PLEKHA6: variants seen among roughly 807,000 people sequenced by gnomAD.
PLEKHA6 encodes pleckstrin homology domain containing A6.
In PLEKHA6, 60 loss-of-function variants were observed where a neutral mutation model predicts 116.7. The observed-to-expected ratio is 0.51, with a 90% confidence interval of 0.42 to 0.64. The LOEUF (loss-of-function observed/expected upper bound fraction) is 0.64. PLEKHA6 is among the 30% of genes least tolerant of loss of function. PLEKHA6 has a pLI of 0.00. For synonymous variants in PLEKHA6, 489 were observed against 556.1 expected, an observed-to-expected ratio of 0.88 and a Z score of 1.70; for missense variants, 1,338 against 1,422.7, an observed-to-expected ratio of 0.94 and a Z score of 0.96.
At chr1:204,306,490 C>T (rs184212768) in intron 1 of PLEKHA6, among the ~76,000 whole-genome samples, 136 of 152,340 alleles carry the variant, frequency 8.9e-4, no homozygotes, top group Non-Finnish European at 1.7e-3. Flanking sequence ...GCTTTGGCCT[C>T]CATCCTGCCC....
At chr1:204,336,791 G>A (rs1442093110) in intron 1 of PLEKHA6, among the ~76,000 whole-genome samples, 1 of 152,184 alleles carries the variant, frequency 6.6e-6, no homozygotes, top group Non-Finnish European at 1.5e-5. Context: ...AGGCATCCAG[G>A]TCAATGACTG....
At chr1:204,352,531 C>A (rs1011992492) in intron 1 of PLEKHA6, among the ~76,000 whole-genome samples, 4 of 152,188 alleles carry the variant, frequency 2.6e-5, no homozygotes, top group Non-Finnish European at 5.9e-5. Context: ...AAGTAATTTT[C>A]CCAAGCTGAG....
intron 1 of PLEKHA6, among the ~76,000 whole-genome samples, chr1:204,339,892 A>G (rs1008628636): frequency 2.6e-5 from 4 of 152,252 alleles, no homozygotes; most frequent in African/African-American, 9.6e-5. Context: ...TTACAACTAT[A>G]TAAACACAGG....
intron 1 of PLEKHA6, chr1:204,280,344 A>G (rs1271805374): frequency 3.0e-6 from 3 of 985,198 alleles, no homozygotes; most frequent in Non-Finnish European, 3.6e-6. Context: ...GCAGGCATGT[A>G]TGTTTACACA....
chr1:204,260,297 C>A (rs933273452), intron 7 of PLEKHA6, among the ~76,000 whole-genome samples: 1 of 152,150 alleles, frequency 6.6e-6, no homozygotes, highest in African/African-American at 2.4e-5. Flanking sequence ...TAAAACATGG[C>A]GGGCACCAGG....
rs1480130310 is a variant in PLEKHA6 at position 204,220,543 on chromosome 1, G to T, written c.*2245C>A. ...TCAGACATTGCACAATTTGAAAATA[G>T]ATTTGCTTTTTTTAAACAAAAGCAT... On this transcript the variant is annotated 3_prime_UTR_variant, in exon 23 of 23. Coordinates refer to ENST00000272203, the MANE Select transcript of PLEKHA6 (RefSeq NM_014935.5). 6.6e-6 allele frequency: 1 copy of T among 152,528 alleles called. No individual in the cohort carries two copies. The highest frequency in any genetic ancestry group is 1.5e-5 in the Non-Finnish European group (1 of 68,006). The allele number at this position is 152,528 out of a possible 1,614,324, so 9.4% of individuals were successfully genotyped here.
intron 1 of PLEKHA6, chr1:204,307,833 C>T: frequency 1.0e-6 from 1 of 984,538 alleles, no homozygotes; most frequent in Non-Finnish European, 1.2e-6. Context: ...ACTGTCTCTC[C>T]CAGCCCCAAC....
chr1:204,251,051 C>G (rs58962026), intron 9 of PLEKHA6, among the ~76,000 whole-genome samples: 4 of 152,196 alleles, frequency 2.6e-5, no homozygotes, highest in Non-Finnish European at 5.9e-5. Context: ...CCCTAGTAGA[C>G]TGAACACCTG....
At chr1:204,345,721 C>T (rs1009715428) in intron 1 of PLEKHA6, among the ~76,000 whole-genome samples, 1 of 152,194 alleles carries the variant, frequency 6.6e-6, no homozygotes, top group Non-Finnish European at 1.5e-5. Flanking sequence ...CCTCCTGTCC[C>T]CTCTTCCCCC....
Position 204,228,592 on chromosome 1 carries a change from C to A in PLEKHA6, c.2885+136G>T. 1.3e-6 allele frequency: 1 copy of A among 781,620 alleles called. No homozygotes were observed. The highest frequency in any genetic ancestry group is 2.1e-6 in the Non-Finnish European group (1 of 468,864). 48.4% of individuals were successfully genotyped at this position (781,620 alleles called of 1,614,324 possible). On this transcript the variant is annotated intron_variant, in intron 20 of 22. Transcript: ENST00000272203. The surrounding 1 kb of genome is among the most constrained non-coding windows in gnomAD (Gnocchi z 4.0). ...CCTTGCCTCTGCCGGTAGCTGGGCC[C>A]TGTCTGCTGCCTGGAGTCACCACCT...
chr1:204,373,837 T>C (rs1673820727), intron 1 of PLEKHA6, among the ~76,000 whole-genome samples: 1 of 152,200 alleles, frequency 6.6e-6, no homozygotes, highest in Non-Finnish European at 1.5e-5. Context: ...GTCACTGTTC[T>C]AGTGACTTCT....
At chr1:204,241,528 G>A in intron 16 of PLEKHA6, 47 bp from the exon 17 acceptor site, 1 of 1,427,146 alleles carries the variant, frequency 7.0e-7, no homozygotes, top group Non-Finnish European at 9.5e-7. Context: ...GAGCAGGAAG[G>A]CAGGAAGCCT....
chr1:204,312,254 G>A (rs922032069), intron 1 of PLEKHA6, among the ~76,000 whole-genome samples: 2 of 152,180 alleles, frequency 1.3e-5, no homozygotes, highest in Admixed American at 6.5e-5. Flanking sequence ...CCTGAAATGT[G>A]CAGAAATGCT....
chr1:204,335,623 G>A (rs527477291), intron 1 of PLEKHA6, among the ~76,000 whole-genome samples: 1 of 152,240 alleles, frequency 6.6e-6, no homozygotes, highest in South Asian at 2.1e-4. Flanking sequence ...AGGACTGGCA[G>A]TGCCAGGGAG....
At chr1:204,225,364 C>T (rs991920167) in intron 21 of PLEKHA6, among the ~76,000 whole-genome samples, 1 of 152,136 alleles carries the variant, frequency 6.6e-6, no homozygotes, top group African/African-American at 2.4e-5. Flanking sequence ...AGAAATATAT[C>T]CATCAAAATA....
chr1:204,263,412 G>A (rs138264659), intron 6 of PLEKHA6, among the ~76,000 whole-genome samples: 29 of 152,242 alleles, frequency 1.9e-4, no homozygotes, highest in African/African-American at 6.0e-4. Flanking sequence ...AGTTTCGCTC[G>A]GTGGCCACAA....
At position 204,229,088 on chromosome 1, in the gene PLEKHA6, C is replaced by T; in HGVS notation, c.2600G>A (p.Ser867Asn). 2 of 1,613,330 alleles carry T rather than the reference C, an allele frequency of 1.2e-6. No homozygotes were observed. The highest frequency in any genetic ancestry group is 1.1e-5 in the South Asian group (1 of 91,066). Reference protein sequence around the residue: ...PAYKVVRRHRSIHEVDISNLE... With the variant: ...PAYKVVRRHRNIHEVDISNLE... ...GTTGGAGATGTCTACCTCATGGATG[C>T]TGCGGTGGCGGCGCACCTAGGGGAC... The change falls in exon 19 of 23, where the codon AGC (serine) becomes AAC (asparagine). Residue 867 changes from serine to asparagine, a missense_variant. By Grantham distance (46) the Ser-to-Asn change is conservative. Around this residue, in one of 3 missense-constraint regions of PLEKHA6, gnomAD observed 1,136 missense variants for 1,163.6 expected, o/e 0.98. Transcript: ENST00000272203.
At chr1:204,370,016 GA>G (rs1673743619) in intron 2 of PLEKHA6, among the ~76,000 whole-genome samples, 1 of 152,192 alleles carries the variant, frequency 6.6e-6, no homozygotes, top group Non-Finnish European at 1.5e-5. Context: ...TAAAGATGAA[GA>G]AGCTAAGTCC....
chr1:204,338,160 C>A (rs1301965761), intron 1 of PLEKHA6, among the ~76,000 whole-genome samples: 1 of 152,238 alleles, frequency 6.6e-6, no homozygotes, highest in Non-Finnish European at 1.5e-5. Context: ...GGTGACCCAA[C>A]TATGTCACTG....
Sources: gnomAD v4.1 joint callset for allele counts (sites outside exome capture counted in the v4.1 genomes callset) on GRCh38, gnomAD v4.1.1 for gene constraint, gnomAD v4.1.1 regional missense constraint, Gnocchi (gnomAD v3.1) non-coding constraint, MANE v1.5 for transcripts, NCBI Gene and HGNC (gene_info 2026-07-23, HGNC 2026-07-21) for gene names.